RSRC1: variants seen among roughly 807,000 people sequenced by gnomAD.
The protein encoded by RSRC1 is serine/Arginine-related protein 53.
A neutral mutation model predicts 49.1 loss-of-function variants in RSRC1; 39 were observed. That is an observed-to-expected ratio of 0.79 (90% CI 0.61 to 1.04). RSRC1 has a LOEUF of 1.04. Ranked by LOEUF, RSRC1 falls within the 50% of genes least tolerant of loss-of-function variation. The probability of loss-of-function intolerance (pLI) is 0.00; values close to 1 mark genes in which losing one functional copy is unlikely to be tolerated. For synonymous variants in RSRC1, 143 were observed against 130.8 expected (o/e 1.09, Z -0.63); for missense variants, 388 against 402.4 (o/e 0.96, Z 0.31).
intron 5 of RSRC1, among the ~76,000 whole-genome samples, chr3:158,336,170 G>C (rs1451627076): frequency 6.6e-6 from 1 of 152,244 alleles, no homozygotes; most frequent in Non-Finnish European, 1.5e-5. Context: ...GTTGTCCTCT[G>C]GGTAAGGGCA....
chr3:158,300,686 T>C (rs1343910000), intron 5 of RSRC1, among the ~76,000 whole-genome samples: 1 of 152,164 alleles, frequency 6.6e-6, no homozygotes, highest in African/African-American at 2.4e-5. Context: ...AATATTAAAA[T>C]AAGAAAAGCA....
chr3:158,513,296 A>G (rs1740293214), intron 7 of RSRC1, among the ~76,000 whole-genome samples: 2 of 151,536 alleles, frequency 1.3e-5, no homozygotes, highest in South Asian at 2.1e-4. Flanking sequence ...TCCCATCAAT[A>G]CCCAATTTAT....
chr3:158,441,081 A>G (rs971038787), intron 6 of RSRC1, among the ~76,000 whole-genome samples: 3 of 152,152 alleles, frequency 2.0e-5, no homozygotes, highest in Non-Finnish European at 1.5e-5. Flanking sequence ...TTAATTTTTA[A>G]TAATGTTATT....
chr3:158,176,154 A>G (rs1719201120), intron 3 of RSRC1, among the ~76,000 whole-genome samples: 1 of 152,210 alleles, frequency 6.6e-6, no homozygotes, highest in African/African-American at 2.4e-5. Flanking sequence ...ATAAAAGAGG[A>G]CACAAATAAA....
intron 6 of RSRC1, among the ~76,000 whole-genome samples, chr3:158,450,671 T>C (rs1005519938): frequency 2.0e-5 from 3 of 151,962 alleles, no homozygotes; most frequent in African/African-American, 4.8e-5. Flanking sequence ...GTAGCAGCTA[T>C]GTCCATATGT....
At chr3:158,328,956 A>T (rs1729369131) in intron 5 of RSRC1, among the ~76,000 whole-genome samples, 1 of 151,882 alleles carries the variant, frequency 6.6e-6, no homozygotes, top group African/African-American at 2.4e-5. Flanking sequence ...TTTTTTCTCT[A>T]AGCTTCTCTT....
At chr3:158,176,220 T>C (rs1002529703) in intron 3 of RSRC1, among the ~76,000 whole-genome samples, 5 of 152,160 alleles carry the variant, frequency 3.3e-5, no homozygotes, top group African/African-American at 1.2e-4. Context: ...AAAATGGCCA[T>C]ACTGCCCAAG....
intron 4 of RSRC1, among the ~76,000 whole-genome samples, chr3:158,210,026 T>C (rs193282128): frequency 2.0e-4 from 31 of 152,180 alleles, no homozygotes; most frequent in African/African-American, 6.7e-4. Context: ...GTAGAAGATG[T>C]TGGGAGTGAT....
intron 4 of RSRC1, among the ~76,000 whole-genome samples, chr3:158,267,856 A>ATTTTTTT (rs1225404876): frequency 2.9e-5 from 1 of 34,618 alleles, no homozygotes. Context: ...TTGTTTCCAT[A>ATTTTTTT]TCTATTTTTT....
intron 4 of RSRC1, among the ~76,000 whole-genome samples, chr3:158,265,413 C>T (rs1402779244): frequency 2.0e-5 from 3 of 151,976 alleles, no homozygotes; most frequent in African/African-American, 2.4e-5. Context: ...GGTGGATCAC[C>T]TGAGGTCAGG....
chr3:158,262,802 C>T (rs1247678666), intron 4 of RSRC1, among the ~76,000 whole-genome samples: 1 of 151,696 alleles, frequency 6.6e-6, no homozygotes, highest in Non-Finnish European at 1.5e-5. Flanking sequence ...TGAAGTATTT[C>T]TTTTTGAAAT....
At chr3:158,227,035 T>C (rs1024654605) in intron 4 of RSRC1, among the ~76,000 whole-genome samples, 3 of 151,868 alleles carry the variant, frequency 2.0e-5, no homozygotes, top group African/African-American at 7.2e-5. Context: ...AAAGAGAAAG[T>C]AAGAAAATTA....
At chr3:158,395,662 C>T (rs928465502) in intron 6 of RSRC1, among the ~76,000 whole-genome samples, 2 of 151,776 alleles carry the variant, frequency 1.3e-5, no homozygotes, top group Non-Finnish European at 1.5e-5. Context: ...GCTATTATTA[C>T]GAATTTAAAA....
At chr3:158,260,548 C>T (rs747976033) in intron 4 of RSRC1, among the ~76,000 whole-genome samples, 8 of 152,162 alleles carry the variant, frequency 5.3e-5, no homozygotes, top group Non-Finnish European at 1.2e-4. Context: ...GACACAAGCA[C>T]TTCCTTGGGC....
chr3:158,527,100 T>TTA (rs1491322985), intron 7 of RSRC1, among the ~76,000 whole-genome samples: 1 of 117,034 alleles, frequency 8.5e-6, no homozygotes, highest in Non-Finnish European at 1.8e-5. Flanking sequence ...TTTTTTTTTT[T>TTA]ACTGGTAGAA....
chr3:158,411,510 C>CTT (rs57004919), intron 6 of RSRC1, among the ~76,000 whole-genome samples: 32,523 of 149,418 alleles, frequency 0.22, 4,059 homozygotes, highest in Non-Finnish European at 0.29. Context: ...TCTACTTTCT[C>CTT]TTTTTTTTTT....
At chr3:158,276,303 G>T in intron 4 of RSRC1, 1 of 761,200 alleles carries the variant, frequency 1.3e-6, no homozygotes. Context: ...GATGGGGTGG[G>T]GAGCCCTGTG....
chr3:158,252,231 G>A (rs560868919), intron 4 of RSRC1, among the ~76,000 whole-genome samples: 34 of 151,104 alleles, frequency 2.3e-4, no homozygotes, highest in South Asian at 4.2e-4. Flanking sequence ...GCATGATCTC[G>A]GCTCACCGCA....
chr3:158,272,331 C>T (rs944362145), intron 4 of RSRC1, among the ~76,000 whole-genome samples: 1 of 152,014 alleles, frequency 6.6e-6, no homozygotes, highest in African/African-American at 2.4e-5. Flanking sequence ...TGACAGTTAC[C>T]GCCAGCTTGA....
Sources: gnomAD v4.1 joint callset for allele counts (sites outside exome capture counted in the v4.1 genomes callset) on GRCh38, gnomAD v4.1.1 for gene constraint, MANE v1.5 for transcripts, NCBI Gene and HGNC (gene_info 2026-07-23, HGNC 2026-07-21) for gene names.